SCEL: variants seen among roughly 807,000 people sequenced by gnomAD.
The protein encoded by SCEL is sciellin.
A neutral mutation model predicts 117.6 loss-of-function variants in SCEL; 113 were observed. The observed-to-expected ratio is 0.96, with a 90% CI of 0.83 to 1.12. SCEL has a LOEUF of 1.12. Among genes scored for constraint, SCEL ranks in the 50% most tolerant of loss-of-function variants. The pLI is 0.00. For synonymous variants in SCEL, 270 were observed against 256.2 expected, an observed-to-expected ratio of 1.05 and a Z score of -0.51; for missense variants, 785 against 810.8, an observed-to-expected ratio of 0.97 and a Z score of 0.39.
chr13:77,537,801 T>C (rs1218613486), intron 1 of SCEL, among the ~76,000 whole-genome samples: 2 of 152,228 alleles, frequency 1.3e-5, no homozygotes, highest in East Asian at 1.9e-4. Context: ...GAGCTCATAC[T>C]GTGGAATGAA....
At chr13:77,568,269 A>C in intron 6 of SCEL, 26 bp from the exon 7 acceptor site, 1 of 1,502,002 alleles carries the variant, frequency 6.7e-7, no homozygotes, top group Admixed American at 1.8e-5. Context: ...CATTGTTCAA[A>C]CTTTGCTTTC....
chr13:77,577,394 G>A (rs2086006026), intron 9 of SCEL, among the ~76,000 whole-genome samples: 1 of 152,146 alleles, frequency 6.6e-6, no homozygotes, highest in African/African-American at 2.4e-5. Context: ...GTGAAGGCAA[G>A]CGGGGGAGGA....
intron 5 of SCEL, among the ~76,000 whole-genome samples, chr13:77,565,043 C>G (rs181180826): frequency 8.9e-4 from 136 of 152,202 alleles, no homozygotes; most frequent in Admixed American, 3.4e-3. Flanking sequence ...AGAAGGAAAC[C>G]CTATTTCTAG....
intron 7 of SCEL, among the ~76,000 whole-genome samples, chr13:77,569,093 C>T (rs949212188): frequency 6.6e-6 from 1 of 152,194 alleles, no homozygotes; most frequent in Admixed American, 6.5e-5. Flanking sequence ...CTGTAGCACG[C>T]CAGAATTGAT....
At chr13:77,643,085 T>C (rs140713731) in intron 32 of SCEL, among the ~76,000 whole-genome samples, 19 of 152,228 alleles carry the variant, frequency 1.2e-4, no homozygotes, top group African/African-American at 4.3e-4. Flanking sequence ...AACAAGAAAG[T>C]TATTGTCTAC....
At position 77,593,293 on chromosome 13, in the gene SCEL, T is replaced by TGC. The variant is rs1491396156; in HGVS notation, c.693-220_693-219insCG. ...GTGTGTGTGTGTGTGTGTGTGTGTG[T>TGC]GTGTCTGTGTGTGTGTGTGTGTGTG... On this transcript the variant is annotated intron_variant, in intron 11 of 32. Transcript: ENST00000349847. Among the ~76,000 whole-genome samples the TGC allele has an allele frequency of 5.2e-4, 28 of 53,392 alleles. 1 individual carries two copies. In the East Asian group the frequency reaches 0.012, roughly 23 times the overall value. 35.0% of individuals were successfully genotyped at this position (53,392 alleles called of 152,430 possible).
chr13:77,541,126 A>T (rs570746019), intron 1 of SCEL, among the ~76,000 whole-genome samples: 11 of 152,350 alleles, frequency 7.2e-5, no homozygotes, highest in African/African-American at 2.4e-4. Flanking sequence ...TACAAAATTT[A>T]TAATTAGAAG....
intron 23 of SCEL, 120 bp from the exon 24 acceptor site, chr13:77,613,773 T>C (rs1473841927): frequency 1.8e-5 from 14 of 777,136 alleles, no homozygotes; most frequent in East Asian, 2.6e-5. Flanking sequence ...TATATATAAA[T>C]TGGAAACTCA....
chr13:77,577,592 G>A (rs577023856), intron 9 of SCEL, among the ~76,000 whole-genome samples: 1 of 152,142 alleles, frequency 6.6e-6, no homozygotes, highest in Admixed American at 6.5e-5. Context: ...ATATCACCAG[G>A]TTTTGATCTG....
chr13:77,632,134 G>A (rs562146631), intron 28 of SCEL, among the ~76,000 whole-genome samples: 12 of 152,236 alleles, frequency 7.9e-5, no homozygotes, highest in African/African-American at 2.9e-4. Context: ...TATTAACCCT[G>A]TCTCCTAATA....
At position 77,618,080 on chromosome 13, in the gene SCEL, T is replaced by C; in HGVS notation, c.1628+20T>C. ...TAATCGGTAAATGACCTTGACTATC[T>C]TGACATGTTTACAAGTTTCTAGGGT... On this transcript the variant is annotated intron_variant, in intron 27 of 32. Transcript: ENST00000349847. The C allele has an allele frequency of 1.9e-6, 3 of 1,589,162 alleles. No homozygotes were observed. Among genetic ancestry groups the C allele is most frequent in the Non-Finnish European group, 2.6e-6 (3 of 1,157,164 alleles).
rs397851742 is a variant in SCEL, at chr13:77,550,008, G to GTT, written c.-19-5834_-19-5833dup. On this transcript the variant is annotated intron_variant, in intron 1 of 32. Transcript: ENST00000349847. ...TCAAAGATGGCCTGGCCTGCTGCCA[G>GTT]TTTTTTTTTTTTTTTTAGTTGAGAT... is the stretch of plus-strand genomic sequence containing the variant. Among the ~76,000 whole-genome samples, 216 of 140,266 alleles carry GTT rather than the reference G, an allele frequency of 1.5e-3. 1 individual carries two copies. The highest frequency in any genetic ancestry group is 2.6e-3 in the Non-Finnish European group (165 of 64,040). The allele number at this position is 140,266 out of a possible 152,430, so 92.0% of individuals were successfully genotyped here. A position where few individuals can be genotyped will look rare whatever the true frequency, so the allele number is the denominator to read the frequency against.
At chr13:77,567,787 A>G in intron 6 of SCEL, 39 bp downstream of exon 6, 1 of 1,320,132 alleles carries the variant, frequency 7.6e-7, no homozygotes, top group Non-Finnish European at 1.1e-6. Context: ...GCTCAAGTAT[A>G]ATATTTTTCT....
intron 9 of SCEL, among the ~76,000 whole-genome samples, chr13:77,581,730 T>A (rs1164563798): frequency 1.3e-5 from 2 of 152,222 alleles, no homozygotes; most frequent in African/African-American, 4.8e-5. Flanking sequence ...TCTCCTAGTA[T>A]TGCTGGAAGT....
intron 2 of SCEL, among the ~76,000 whole-genome samples, chr13:77,556,388 A>C (rs2084658376): frequency 6.6e-6 from 1 of 152,140 alleles, no homozygotes; most frequent in East Asian, 1.9e-4. Context: ...TTCAGTTGGC[A>C]CCTGAGCAAC....
chr13:77,608,670 T>C (rs1183424313), intron 20 of SCEL, among the ~76,000 whole-genome samples: 2 of 152,106 alleles, frequency 1.3e-5, no homozygotes, highest in Admixed American at 6.6e-5. Context: ...GGGTATAAAA[T>C]CCATTTTTTA....
In SCEL at chr13:77,604,356, A is replaced by C. The variant is rs779480999; in HGVS notation, c.1098A>C (p.Gly366=). ...TTAAAATTAATTTCCTTTTTCAAAGAAAAAAAGACCTTGATGGGCTTATTA... is the reference window on the plus strand; with the variant it reads ...TTAAAATTAATTTCCTTTTTCAAAGCAAAAAAGACCTTGATGGGCTTATTA... ...VNPKGHENTT[G]KKDLDGLIKV... Residue 366 remains glycine, a splice_region_variant and synonymous_variant, in exon 19 of 33, where the codon GGA becomes GGC. Coordinates refer to ENST00000349847, the MANE Select transcript of SCEL (RefSeq NM_144777.3). The C allele has an allele frequency of 1.9e-6, 3 of 1,553,978 alleles. No homozygotes were observed. In the African/African-American group the frequency reaches 4.2e-5, roughly 22 times the overall value.
In SCEL at chr13:77,626,096, C is replaced by T. The variant is rs1181554189; in HGVS notation, c.1629-1851C>T. 2.6e-5 allele frequency among the ~76,000 whole-genome samples: 4 copies of T among 152,182 alleles called. No homozygotes were observed. In the South Asian group the frequency reaches 6.2e-4, roughly 24 times the overall value. ...TATAAATAAAAAGAGGTTTAATGGA[C>T]TCACAGTTTTACGTGGCTGGGGAGT... On this transcript the variant is annotated intron_variant, in intron 27 of 32. Transcript: ENST00000349847.
intron 2 of SCEL, among the ~76,000 whole-genome samples, chr13:77,556,216 GACTATT>G (rs2084648385): frequency 6.6e-6 from 1 of 152,096 alleles, no homozygotes; most frequent in African/African-American, 2.4e-5. Flanking sequence ...AGGACTTATT[GACTATT>G]ACTATGTATT....
Sources: gnomAD v4.1 joint callset for allele counts (sites outside exome capture counted in the v4.1 genomes callset) on GRCh38, gnomAD v4.1.1 for gene constraint, MANE v1.5 for transcripts, NCBI Gene and HGNC (gene_info 2026-07-23, HGNC 2026-07-21) for gene names.